HTR1F: variants seen among roughly 807,000 people sequenced by gnomAD.
HTR1F encodes 5-hydroxytryptamine (serotonin) receptor 1F, G protein-coupled.
HTR1F carries 17 observed loss-of-function variants against 24.0 expected under a neutral mutation model. The ratio of observed to expected loss-of-function variants is 0.71; its 90% CI spans 0.48 to 1.06. HTR1F has a LOEUF of 1.06. Among genes scored for constraint, HTR1F ranks in the 50% least tolerant of loss-of-function variants. The probability of loss-of-function intolerance (pLI) is 0.00; values close to 1 mark genes in which losing one functional copy is unlikely to be tolerated. For missense variants in HTR1F, 391 were observed against 427.8 expected (o/e 0.91, Z 0.76); for synonymous variants, 186 against 156.8 (o/e 1.19, Z -1.39).
At chr3:87,862,757 T>C (rs1575958928) in intron 2 of HTR1F, among the ~76,000 whole-genome samples, 1 of 152,174 alleles carries the variant, frequency 6.6e-6, no homozygotes, top group African/African-American at 2.4e-5. Flanking sequence ...TCTTTAATTT[T>C]TCTATTTTTG....
rs545891608 is a variant in HTR1F at position 87,849,344 on chromosome 3, A to G, written c.-43+27220A>G. The stretch of plus-strand genomic sequence containing the variant: ...CTGATCTTTGACAAACCTGAGAAAA[A>G]CAAGCAATGGGGAAAGGATTCCCTA... On this transcript the variant is annotated intron_variant, in intron 2 of 2. Coordinates refer to ENST00000319595, the MANE Select transcript of HTR1F (RefSeq NM_001322209.2). Among the ~76,000 whole-genome samples the G allele has an allele frequency of 3.9e-3, 584 of 151,642 alleles. 14 individuals carry two copies. The highest frequency in any genetic ancestry group is 0.014 in the African/African-American group (561 of 41,114).
intron 2 of HTR1F, among the ~76,000 whole-genome samples, chr3:87,939,165 C>T (rs115597818): frequency 8.9e-4 from 135 of 152,252 alleles, no homozygotes; most frequent in Non-Finnish European, 1.4e-3. Flanking sequence ...CTTTATGTGA[C>T]GGATTACATT....
chr3:87,877,499 A>G (rs1705695880), intron 2 of HTR1F, among the ~76,000 whole-genome samples: 1 of 152,154 alleles, frequency 6.6e-6, no homozygotes, highest in Non-Finnish European at 1.5e-5. Context: ...ATTTTTATGT[A>G]AAAGTTAATG....
chr3:87,954,261 G>A (rs1313536117), intron 2 of HTR1F, among the ~76,000 whole-genome samples: 1 of 151,738 alleles, frequency 6.6e-6, no homozygotes, highest in South Asian at 2.1e-4. Flanking sequence ...CACTTGACTT[G>A]ATCATTACAC....
intron 1 of HTR1F, among the ~76,000 whole-genome samples, chr3:87,810,983 T>C (rs556780052): frequency 6.6e-6 from 1 of 152,224 alleles, no homozygotes; most frequent in East Asian, 1.9e-4. Context: ...TCTATTGCTA[T>C]TCCCCAGATA....
intron 2 of HTR1F, among the ~76,000 whole-genome samples, chr3:87,845,577 TA>T (rs1197043969): frequency 6.7e-6 from 1 of 149,974 alleles, no homozygotes; most frequent in Non-Finnish European, 1.5e-5. Context: ...CTCAAGGAAA[TA>T]AAAGAGGATA....
intron 1 of HTR1F, among the ~76,000 whole-genome samples, chr3:87,817,213 A>G (rs151159287): frequency 2.1e-4 from 32 of 152,272 alleles, no homozygotes; most frequent in African/African-American, 6.7e-4. Context: ...TGGTAGCCCC[A>G]TACTTGAATG....
intron 2 of HTR1F, among the ~76,000 whole-genome samples, chr3:87,903,777 A>G (rs986987873): frequency 5.3e-5 from 8 of 152,230 alleles, no homozygotes; most frequent in African/African-American, 1.9e-4. Context: ...ATTACTGGGT[A>G]TATACCCAAA....
chr3:87,988,907 A>C (rs563885948), intron 2 of HTR1F, among the ~76,000 whole-genome samples: 3 of 152,082 alleles, frequency 2.0e-5, no homozygotes, highest in Non-Finnish European at 4.4e-5. Flanking sequence ...ACCTAACCAC[A>C]TTATATGTAT....
At chr3:87,882,091 C>T (rs1453698438) in intron 2 of HTR1F, among the ~76,000 whole-genome samples, 2 of 152,080 alleles carry the variant, frequency 1.3e-5, no homozygotes, top group Non-Finnish European at 2.9e-5. Flanking sequence ...TTTATGCAGC[C>T]AAAAGACACA....
At chr3:87,902,853 GTT>G (rs1301891557) in intron 2 of HTR1F, among the ~76,000 whole-genome samples, 1 of 149,248 alleles carries the variant, frequency 6.7e-6, no homozygotes, top group Non-Finnish European at 1.5e-5. Context: ...GCGGTGTTTG[GTT>G]TTTTGTTCTT....
chr3:87,966,238 G>A (rs1705160032), intron 2 of HTR1F, among the ~76,000 whole-genome samples: 1 of 152,076 alleles, frequency 6.6e-6, no homozygotes, highest in Non-Finnish European at 1.5e-5. Context: ...TCCCATTCAC[G>A]AGGGCTTTGC....
chr3:87,947,451 CCTT>C (rs1447409733), intron 2 of HTR1F, among the ~76,000 whole-genome samples: 6 of 151,916 alleles, frequency 3.9e-5, no homozygotes, highest in Non-Finnish European at 1.5e-5. Context: ...TTGATAATTT[CCTT>C]TTTTTAATGA....
intron 1 of HTR1F, among the ~76,000 whole-genome samples, chr3:87,821,736 C>A (rs565293509): frequency 7.9e-5 from 12 of 152,082 alleles, no homozygotes; most frequent in African/African-American, 2.9e-4. Context: ...TAGTAATAAA[C>A]GTTAATTACA....
At chr3:87,863,619 C>T (rs1705363942) in intron 2 of HTR1F, among the ~76,000 whole-genome samples, 2 of 152,102 alleles carry the variant, frequency 1.3e-5, no homozygotes, top group Non-Finnish European at 2.9e-5. Context: ...CGGTTATTAA[C>T]ATCCATATTT....
rs370338613 is a variant in HTR1F at position 87,991,464 on chromosome 3, A to G, written c.715A>G (p.Lys239Glu). The G allele has an allele frequency of 1.9e-6, 3 of 1,614,072 alleles. No individual in the cohort carries two copies. The highest frequency in any genetic ancestry group is 1.1e-5 in the South Asian group (1 of 91,062). ...VLLESGEKST[K>E]SVSTSYVLEK... ...TTTGGAGAGTGGTGAGAAAAGCACT[A>G]AATCAGTTTCCACATCCTATGTACT... The change falls in exon 3 of 3, where the codon AAA (lysine) becomes GAA (glutamate). Residue 239 changes from lysine (K) to glutamate (E), a missense_variant. By Grantham distance (56) the Lys-to-Glu change is moderately conservative (BLOSUM62 1). Coordinates refer to ENST00000319595, the MANE Select transcript of HTR1F (RefSeq NM_001322209.2).
rs1418525322 is a variant in HTR1F, at chr3:87,853,881, A to G, written c.-43+31757A>G. Among the ~76,000 whole-genome samples, 6 of 152,004 alleles carry G rather than the reference A, an allele frequency of 3.9e-5. No homozygotes were observed. The East Asian group carries it at 9.6e-4, about 24-fold the overall frequency. On this transcript the variant is annotated intron_variant, in intron 2 of 2. Transcript: ENST00000319595. Reference sequence around the variant, plus strand: ...TGCTTCTTTTAACGAGTGTCTGTTCATGTTCTTTGTCCACTTTTTAATGGG... The same window carrying G: ...TGCTTCTTTTAACGAGTGTCTGTTCGTGTTCTTTGTCCACTTTTTAATGGG...
At chr3:87,972,654 CT>C (rs377653433) in intron 2 of HTR1F, among the ~76,000 whole-genome samples, 28 of 152,246 alleles carry the variant, frequency 1.8e-4, no homozygotes, top group African/African-American at 6.3e-4. Context: ...ACCTCCTTTT[CT>C]TGTGTTCCCA....
At chr3:87,799,501 T>C (rs1437156972) in intron 1 of HTR1F, among the ~76,000 whole-genome samples, 1 of 152,232 alleles carries the variant, frequency 6.6e-6, no homozygotes, top group Non-Finnish European at 1.5e-5. Context: ...AGTGATATTA[T>C]TACATTTTAA....
Sources: gnomAD v4.1 joint callset for allele counts (sites outside exome capture counted in the v4.1 genomes callset) on GRCh38, gnomAD v4.1.1 for gene constraint, MANE v1.5 for transcripts, NCBI Gene and HGNC (gene_info 2026-07-23, HGNC 2026-07-21) for gene names.